Variants in PRKCA observed in about 807,000 individuals in gnomAD.
The protein encoded by PRKCA is protein kinase C alpha type.
A neutral mutation model predicts 87.0 loss-of-function variants in PRKCA; 27 were observed. That is an observed-to-expected ratio of 0.31 (90% CI 0.23 to 0.43). The LOEUF (loss-of-function observed/expected upper bound fraction) is 0.43, where lower values mean the gene tolerates loss of function less well. Among genes scored for constraint, PRKCA ranks in the 20% least tolerant of loss-of-function variants. PRKCA has a pLI of 1.00. For synonymous variants in PRKCA, 329 were observed against 311.1 expected, an observed-to-expected ratio of 1.06 and a Z score of -0.61; for missense variants, 518 against 852.3, an observed-to-expected ratio of 0.61 and a Z score of 4.88.
In PRKCA at chr17:66,655,055, G is replaced by C. The variant is rs1216439302; in HGVS notation, c.529+9544G>C. Among the ~76,000 whole-genome samples, 4 of 152,214 alleles carry C rather than the reference G, an allele frequency of 2.6e-5. 1 individual carries two copies. In the South Asian group the frequency reaches 6.2e-4, roughly 24 times the overall value. On this transcript the variant is annotated intron_variant, in intron 5 of 16. Transcript: ENST00000413366. ...ACCAAATCTAGCAGTCACCTGCCTT[G>C]AGTTCACTGGTGCTTAACATCCAGG... is the stretch of plus-strand genomic sequence containing the variant.
intron 3 of PRKCA, among the ~76,000 whole-genome samples, chr17:66,566,170 A>G (rs116488208): frequency 3.9e-5 from 6 of 152,130 alleles, no homozygotes; most frequent in Admixed American, 3.9e-4. Context: ...TCTTGAACAC[A>G]TTTCCTCTAT....
intron 2 of PRKCA, among the ~76,000 whole-genome samples, chr17:66,427,474 G>C (rs912569751): frequency 3.0e-4 from 45 of 152,192 alleles, no homozygotes; most frequent in African/African-American, 1.0e-3. Flanking sequence ...TTTGCTATCT[G>C]GTCTTTTAGA....
chr17:66,738,422 C>G (rs927218439), intron 10 of PRKCA, among the ~76,000 whole-genome samples: 1 of 152,154 alleles, frequency 6.6e-6, no homozygotes, highest in Non-Finnish European at 1.5e-5. Context: ...TATGTGGATT[C>G]CTCACACCAT....
chr17:66,691,656 A>C (rs1054647393), intron 8 of PRKCA, among the ~76,000 whole-genome samples: 3 of 152,190 alleles, frequency 2.0e-5, no homozygotes, highest in African/African-American at 7.2e-5. Flanking sequence ...ACTGAGTGCC[A>C]GCATTCTTCA....
chr17:66,650,569 C>T (rs368280601), intron 5 of PRKCA, among the ~76,000 whole-genome samples: 2 of 152,206 alleles, frequency 1.3e-5, no homozygotes, highest in South Asian at 4.1e-4. Flanking sequence ...GAAGAAGAGT[C>T]TAATTTTCTC....
chr17:66,502,724 G>A (rs1421203911), intron 3 of PRKCA, among the ~76,000 whole-genome samples: 1 of 151,972 alleles, frequency 6.6e-6, no homozygotes, highest in Non-Finnish European at 1.5e-5. Flanking sequence ...GTGCGATCTC[G>A]GCTCACTGCA....
intron 2 of PRKCA, among the ~76,000 whole-genome samples, chr17:66,421,617 C>T (rs1912501733): frequency 6.6e-6 from 1 of 151,904 alleles, no homozygotes; most frequent in Non-Finnish European, 1.5e-5. Flanking sequence ...ACTGCAGCCT[C>T]CATCTCCCAG....
At chr17:66,530,842 A>G (rs1372344170) in intron 3 of PRKCA, among the ~76,000 whole-genome samples, 1 of 150,602 alleles carries the variant, frequency 6.6e-6, no homozygotes, top group Non-Finnish European at 1.5e-5. Context: ...TATTGGGGCA[A>G]GTGGTGGAGG....
At chr17:66,449,289 A>AAAAAC (rs952978663) in intron 2 of PRKCA, among the ~76,000 whole-genome samples, 17 of 152,158 alleles carry the variant, frequency 1.1e-4, no homozygotes, top group Non-Finnish European at 2.1e-4. Flanking sequence ...CCTATTTCAA[A>AAAAAC]AAAACAAAAC....
intron 3 of PRKCA, among the ~76,000 whole-genome samples, chr17:66,607,549 G>A (rs4561501): frequency 0.026 from 3,940 of 152,248 alleles, 156 homozygotes; most frequent in East Asian, 0.15. Flanking sequence ...CCTCCCTTAT[G>A]TCTTGATATT....
intron 8 of PRKCA, chr17:66,696,517 GAGTA>G (rs2144071921): frequency 6.6e-6 from 1 of 152,338 alleles, no homozygotes; most frequent in South Asian, 2.1e-4. Context: ...ACCTGGCATA[GAGTA>G]AGTGCCCAAT....
chr17:66,405,192 C>T (rs925843958), intron 2 of PRKCA, among the ~76,000 whole-genome samples: 7 of 152,190 alleles, frequency 4.6e-5, no homozygotes, highest in African/African-American at 1.7e-4. Flanking sequence ...AAGGTGCCGA[C>T]ACTGCGTGCA....
chr17:66,771,593 C>CT (rs970072926), intron 13 of PRKCA, among the ~76,000 whole-genome samples: 96 of 151,626 alleles, frequency 6.3e-4, no homozygotes, highest in African/African-American at 1.9e-3. Context: ...TTCCTTATTT[C>CT]TTTTTTTTTA....
At chr17:66,332,990 C>T (rs1034687466) in intron 2 of PRKCA, among the ~76,000 whole-genome samples, 3 of 152,130 alleles carry the variant, frequency 2.0e-5, no homozygotes, top group Non-Finnish European at 2.9e-5. Flanking sequence ...CGTGCCTGGC[C>T]GGTTCCTGAT....
intron 2 of PRKCA, among the ~76,000 whole-genome samples, chr17:66,493,137 T>G (rs561253246): frequency 6.6e-6 from 1 of 152,320 alleles, no homozygotes; most frequent in African/African-American, 2.4e-5. Flanking sequence ...GTATCATGAG[T>G]ACCTTTAAAA....
intron 2 of PRKCA, among the ~76,000 whole-genome samples, chr17:66,309,909 G>T (rs1905009493): frequency 6.6e-6 from 1 of 152,156 alleles, no homozygotes; most frequent in Admixed American, 6.5e-5. Context: ...GGTAGTTTCT[G>T]TCTTGCACTG....
chr17:66,577,970 C>G (rs1024640090), intron 3 of PRKCA, among the ~76,000 whole-genome samples: 4 of 152,006 alleles, frequency 2.6e-5, no homozygotes, highest in African/African-American at 7.3e-5. Context: ...CACACCTGCT[C>G]TGTGCCATGG....
chr17:66,463,514 G>A (rs1040648603), intron 2 of PRKCA, among the ~76,000 whole-genome samples: 29 of 151,958 alleles, frequency 1.9e-4, no homozygotes, highest in African/African-American at 7.0e-4. Flanking sequence ...TCCTGCCTCA[G>A]CCTCCCAAGT....
chr17:66,696,293 G>T (rs1177986876), intron 8 of PRKCA: 1 of 152,178 alleles, frequency 6.6e-6, no homozygotes, highest in African/African-American at 2.4e-5. Context: ...CAATGTTTGA[G>T]CATGGTATTT....
Sources: gnomAD v4.1 joint callset for allele counts (sites outside exome capture counted in the v4.1 genomes callset) on GRCh38, gnomAD v4.1.1 for gene constraint, MANE v1.5 for transcripts, NCBI Gene and HGNC (gene_info 2026-07-23, HGNC 2026-07-21) for gene names.